The following AP1S1 variants were observed in gnomAD, a reference collection of about 807,000 sequenced individuals.
AP1S1 encodes the protein adaptor related protein complex 1 subunit sigma 1.
A neutral mutation model predicts 23.9 loss-of-function variants in AP1S1; 13 were observed. The ratio of observed to expected loss-of-function variants is 0.54; its 90% CI spans 0.35 to 0.86. The LOEUF (loss-of-function observed/expected upper bound fraction) is 0.86, where lower values mean the gene tolerates loss of function less well. Ranked by LOEUF, AP1S1 falls within the 40% of genes least tolerant of loss-of-function variation. The pLI is 0.01. For synonymous variants in AP1S1, 84 were observed against 77.7 expected (o/e 1.08, Z -0.43); for missense variants, 119 against 197.6 (o/e 0.60, Z 2.38).
rs1405907198 is a variant in AP1S1, at chr7:101,160,533, A to C, written c.444A>C (p.Pro148=). Residue 148 remains proline, a synonymous_variant, in exon 5 of 5, where the codon CCA becomes CCC. Coordinates refer to ENST00000337619, the MANE Select transcript of AP1S1 (RefSeq NM_001283.5). The part of the protein sequence containing the change: ...ADLLQEEDES[P]RSVLEEMGLA ...CTCTGCCTTAGGAGGATGAGTCGCC[A>C]CGGAGTGTGCTGGAGGAGATGGGTT... is the stretch of plus-strand genomic sequence containing the variant. 1 of 1,611,926 alleles carries C rather than the reference A, an allele frequency of 6.2e-7. No homozygotes were observed. Among genetic ancestry groups the C allele is most frequent in the East Asian group, 2.2e-5 (1 of 44,888 alleles).
rs1410471788 is a variant in AP1S1 at position 101,155,739 on chromosome 7, T to C, written c.4-855T>C. ...GGAGATCATTAAGATCTTATGGCTATGATGGGGTGGAAAATTGAGGTAGCT... is the reference window on the plus strand; with the variant it reads ...GGAGATCATTAAGATCTTATGGCTACGATGGGGTGGAAAATTGAGGTAGCT... On this transcript the variant is annotated intron_variant, in intron 1 of 4. Coordinates refer to ENST00000337619, the MANE Select transcript of AP1S1 (RefSeq NM_001283.5). 5.3e-5 allele frequency among the ~76,000 whole-genome samples: 8 copies of C among 152,184 alleles called. No individual in the cohort carries two copies. The East Asian group carries it at 1.2e-3, about 22-fold the overall frequency.
intron 3 of AP1S1, among the ~76,000 whole-genome samples, chr7:101,158,565 T>C (rs948015845): frequency 6.6e-6 from 1 of 152,066 alleles, no homozygotes; most frequent in Non-Finnish European, 1.5e-5. Context: ...AGGCAACTAA[T>C]GTTTCATGAT....
At chr7:101,156,351 C>T in intron 1 of AP1S1, 1 of 460,142 alleles carries the variant, frequency 2.2e-6, no homozygotes. Context: ...GTCCATTTTA[C>T]ACATAAGGAA....
At chr7:101,156,841 T>C (rs1584203369) in intron 2 of AP1S1, 69 bp downstream of exon 2, 17 of 1,389,036 alleles carry the variant, frequency 1.2e-5, no homozygotes, top group Admixed American at 2.7e-5. Flanking sequence ...GTCTGAGAAA[T>C]GGTCGTCCTG....
intron 1 of AP1S1, 110 bp downstream of exon 1, chr7:101,154,627 C>A: frequency 7.1e-7 from 1 of 1,405,152 alleles, no homozygotes; most frequent in Non-Finnish European, 9.5e-7. Flanking sequence ...CCCTCTGGTC[C>A]TCAGAGGCCT....
At position 101,160,966 on chromosome 7, in the gene AP1S1, A is replaced by ACCTCCC. The variant is rs1562866063; in HGVS notation, c.*402_*403insTCCCCC. ...CCTCTCTGTCCCATAACCTACCTCCACCCTCCCCCTAGCCAGCCAGGCAGC... is the reference window on the plus strand; with the variant it reads ...CCTCTCTGTCCCATAACCTACCTCCACCTCCCCCCTCCCCCTAGCCAGCCAGGCAGC... On this transcript the variant is annotated 3_prime_UTR_variant, in exon 5 of 5. Transcript: ENST00000337619. 10 of 343,332 alleles carry ACCTCCC rather than the reference A, an allele frequency of 2.9e-5. No homozygotes were observed. The highest frequency in any genetic ancestry group is 4.6e-5 in the Non-Finnish European group (8 of 175,706). 21.3% of individuals were successfully genotyped at this position (343,332 alleles called of 1,614,324 possible).
At chr7:101,159,996 A>ATGCCCTGG (rs1797067164) in intron 4 of AP1S1, among the ~76,000 whole-genome samples, 5 of 60,436 alleles carry the variant, frequency 8.3e-5, no homozygotes, top group Admixed American at 2.3e-4. Flanking sequence ...GCACACACAC[A>ATGCCCTGG]CACACACACA....
chr7:101,156,631 T>C lies in AP1S1; in HGVS notation c.41T>C (p.Leu14Pro). Residue 14 changes from leucine to proline, a missense_variant, in exon 2 of 5, where the codon CTG becomes CCG. Transcript: ENST00000337619. ...FMLLFSRQGK[L>P]RLQKWYLATS... ...CTATTATTCAGCCGGCAGGGAAAAC[T>C]GCGGCTGCAAAAATGGTACCTGGCC... 7 of 1,612,570 alleles carry C rather than the reference T, an allele frequency of 4.3e-6. No individual in the cohort carries two copies. The highest frequency in any genetic ancestry group is 5.1e-6 in the Non-Finnish European group (6 of 1,179,402).
chr7:101,159,971 C>T (rs955888798), intron 4 of AP1S1, among the ~76,000 whole-genome samples: 9 of 137,180 alleles, frequency 6.6e-5, no homozygotes, highest in Non-Finnish European at 1.2e-4. Context: ...CACGCACACA[C>T]ACACACCCTG....
At position 101,156,603 on chromosome 7, in the gene AP1S1, A is replaced by C. The variant is rs1435125314; in HGVS notation, c.13A>C (p.Met5Leu). The change falls in exon 2 of 5, where the codon ATG (methionine) becomes CTG (leucine). Residue 5 changes from methionine to leucine, a missense_variant. Coordinates refer to ENST00000337619, the MANE Select transcript of AP1S1 (RefSeq NM_001283.5). ...CTCCCATCCCCCACAGATGCGGTTC[A>C]TGCTATTATTCAGCCGGCAGGGAAA... The part of the protein sequence containing the change: MMRF[M>L]LLFSRQGKLR... 6.2e-7 allele frequency: 1 copy of C among 1,612,002 alleles called. No homozygotes were observed. The highest frequency in any genetic ancestry group is 1.7e-5 in the Admixed American group (1 of 59,796).
rs373167203 is a variant in AP1S1, at chr7:101,154,509, T to A, written c.-6T>A. ...AAGTGGGACGCGCCGAGCCGGAGGCTGCAGGATGGTAGGCTGTGCGAAGAG... is the reference window on the plus strand; with the variant it reads ...AAGTGGGACGCGCCGAGCCGGAGGCAGCAGGATGGTAGGCTGTGCGAAGAG... On this transcript the variant is annotated 5_prime_UTR_variant, in exon 1 of 5. Transcript: ENST00000337619. 22 of 1,569,804 alleles carry A rather than the reference T, an allele frequency of 1.4e-5. No homozygotes were observed. In the African/African-American group the frequency reaches 3.0e-4, roughly 22 times the overall value.
chr7:101,156,406 C>T (rs773710836), intron 1 of AP1S1, 188 bp from the exon 2 acceptor site: 21 of 632,726 alleles, frequency 3.3e-5, no homozygotes, highest in Non-Finnish European at 5.6e-5. Flanking sequence ...CAAGGCCTTG[C>T]ATAACTAGTA....
At chr7:101,159,424 T>A (rs1797050024) in intron 4 of AP1S1, 1 of 555,330 alleles carries the variant, frequency 1.8e-6, no homozygotes, top group African/African-American at 1.9e-5. Flanking sequence ...CATTCCAAGC[T>A]CTGTCCTTCT....
At chr7:101,156,524 G>GT in intron 1 of AP1S1, 70 bp from the exon 2 acceptor site, 1 of 1,510,436 alleles carries the variant, frequency 6.6e-7, no homozygotes, top group Non-Finnish European at 9.0e-7. Context: ...AGAAAGTAGA[G>GT]AAGAATTAGC....
chr7:101,158,967 G>A (rs1319447814), intron 3 of AP1S1, 92 bp from the exon 4 acceptor site: 2 of 1,517,406 alleles, frequency 1.3e-6, no homozygotes, highest in African/African-American at 1.4e-5. Flanking sequence ...TGGAGGTTGG[G>A]GGCAGAACCC....
rs1797008975 is a variant in AP1S1 at position 101,157,367 on chromosome 7, C to T, written c.183-10C>T. On this transcript the variant is annotated splice_polypyrimidine_tract_variant and intron_variant, in intron 2 of 4. Coordinates refer to ENST00000337619, the MANE Select transcript of AP1S1 (RefSeq NM_001283.5). ...GCTTGTAGCGATGTCTCATGCGCTC[C>T]TCTCCGCAGATATGCCAGCCTCTAC... 1.9e-6 allele frequency: 3 copies of T among 1,556,284 alleles called. No homozygotes were observed. Among genetic ancestry groups the T allele is most frequent in the South Asian group, 1.2e-5 (1 of 84,360 alleles).
Position 101,156,650 on chromosome 7 carries a change from C to G in AP1S1, c.60C>G (p.Tyr20Ter), listed in dbSNP as rs370460433. Residue 20 changes from tyrosine (Y) to a stop codon, truncating the protein, a stop_gained, in exon 2 of 5, where the codon TAC (tyrosine) becomes TAG (stop). Transcript: ENST00000337619. LOFTEE classifies it high-confidence loss of function. ...RQGKLRLQKWYLATSDKERKK... is the reference protein window; with the variant it reads ...RQGKLRLQKW Reference sequence around the variant, plus strand: ...GAAAACTGCGGCTGCAAAAATGGTACCTGGCCACTTCGGACAAGGAACGGA... The same window carrying G: ...GAAAACTGCGGCTGCAAAAATGGTAGCTGGCCACTTCGGACAAGGAACGGA... The G allele has an allele frequency of 6.2e-7, 1 of 1,612,140 alleles. No individual in the cohort carries two copies.
At position 101,159,176 on chromosome 7, in the gene AP1S1, C is replaced by T; in HGVS notation, c.409C>T (p.Gln137Ter). Residue 137 changes from glutamine to a stop codon, truncating the protein, a stop_gained, in exon 4 of 5, where the codon CAG becomes TAG. Coordinates refer to ENST00000337619, the MANE Select transcript of AP1S1 (RefSeq NM_001283.5). LOFTEE classifies it high-confidence loss of function. ...SKKSVLKAIE[Q>*]ADLLQEEDES... is the part of the protein sequence containing the mutation. ...GAAGAGTGTGCTGAAAGCCATCGAG[C>T]AGGCTGACCTACTGCAAGAGGTACG... 3 of 1,612,834 alleles carry T rather than the reference C, an allele frequency of 1.9e-6. No homozygotes were observed. The highest frequency in any genetic ancestry group is 2.5e-6 in the Non-Finnish European group (3 of 1,179,412).
Position 101,160,594 on chromosome 7 carries a change from G to A in AP1S1, c.*28G>A, listed in dbSNP as rs772888166. On this transcript the variant is annotated 3_prime_UTR_variant, in exon 5 of 5. Coordinates refer to ENST00000337619, the MANE Select transcript of AP1S1 (RefSeq NM_001283.5). ...CCTGCTGGGCCGGGGTGTGGCGATGGGGTCCTGGCAGCGTGGCGGGAACGG... is the reference window on the plus strand; with the variant it reads ...CCTGCTGGGCCGGGGTGTGGCGATGAGGTCCTGGCAGCGTGGCGGGAACGG... 8 of 1,609,066 alleles carry A rather than the reference G, an allele frequency of 5.0e-6. No individual in the cohort carries two copies. The Admixed American group carries it at 1.3e-4, about 27-fold the overall frequency.
Sources: gnomAD v4.1 joint callset for allele counts (sites outside exome capture counted in the v4.1 genomes callset) on GRCh38, gnomAD v4.1.1 for gene constraint, MANE v1.5 for transcripts, NCBI Gene and HGNC (gene_info 2026-07-23, HGNC 2026-07-21) for gene names.